Variants in A4GALT observed in about 807,000 individuals in gnomAD.
A4GALT encodes lactosylceramide 4-alpha-galactosyltransferase.
For synonymous variants in A4GALT, 257 were observed against 220.7 expected (o/e 1.16, Z -1.46); for missense variants, 512 against 486.0 (o/e 1.05, Z -0.50).
chr22:42,713,050 G>A (rs1423924976), intron 1 of A4GALT, among the ~76,000 whole-genome samples: 1 of 152,142 alleles, frequency 6.6e-6, no homozygotes, highest in Non-Finnish European at 1.5e-5. Context: ...TCTACACCCT[G>A]CTCTGTAGCC....
chr22:42,706,354 CAAAAAAAAAA>C (rs1164664187), intron 1 of A4GALT, among the ~76,000 whole-genome samples: 1 of 83,816 alleles, frequency 1.2e-5, no homozygotes, highest in East Asian at 3.9e-4. Context: ...GACTCCATCC[CAAAAAAAAAA>C]AAAAAAAAAA....
At chr22:42,700,133 G>T (rs1931201631) in intron 1 of A4GALT, among the ~76,000 whole-genome samples, 1 of 152,194 alleles carries the variant, frequency 6.6e-6, no homozygotes, top group Non-Finnish European at 1.5e-5. Flanking sequence ...GGGCTCAATG[G>T]TGGGACCAGA....
chr22:42,715,404 A>G (rs986502953), intron 1 of A4GALT, among the ~76,000 whole-genome samples: 1 of 152,130 alleles, frequency 6.6e-6, no homozygotes, highest in Non-Finnish European at 1.5e-5. Flanking sequence ...TGGTTCCTAG[A>G]AGTGAGCCCT....
At chr22:42,704,092 T>A (rs540371204) in intron 1 of A4GALT, among the ~76,000 whole-genome samples, 1 of 152,240 alleles carries the variant, frequency 6.6e-6, no homozygotes, top group Non-Finnish European at 1.5e-5. Context: ...CTGTTCCCCA[T>A]CCCTAGCCCC....
intron 1 of A4GALT, among the ~76,000 whole-genome samples, chr22:42,709,525 C>T (rs569106942): frequency 2.4e-4 from 37 of 152,172 alleles, no homozygotes; most frequent in African/African-American, 8.2e-4. Flanking sequence ...TACGGTGGCT[C>T]GTGCCTGTAA....
chr22:42,708,504 T>C (rs1921359474), intron 1 of A4GALT, among the ~76,000 whole-genome samples: 2 of 145,992 alleles, frequency 1.4e-5, no homozygotes, highest in African/African-American at 5.0e-5. Context: ...CACTTCAGCC[T>C]GTATGACACG....
intron 2 of A4GALT, chr22:42,695,223 C>T (rs1930841284): frequency 2.0e-5 from 3 of 152,258 alleles, no homozygotes; most frequent in South Asian, 2.1e-4. Context: ...AGTCACACCC[C>T]CTTTGACCCT....
At chr22:42,706,970 C>G (rs145871748) in intron 1 of A4GALT, among the ~76,000 whole-genome samples, 32 of 152,180 alleles carry the variant, frequency 2.1e-4, no homozygotes, top group African/African-American at 7.5e-4. Flanking sequence ...TCAAATAATA[C>G]TGTAGCAATT....
At chr22:42,710,471 A>G (rs575541662) in intron 1 of A4GALT, among the ~76,000 whole-genome samples, 7 of 152,140 alleles carry the variant, frequency 4.6e-5, no homozygotes, top group African/African-American at 1.4e-4. Flanking sequence ...TGAGGCAGCC[A>G]GATTGCTTGA....
At position 42,692,457 on chromosome 22, in the gene A4GALT, G is replaced by T. The variant is rs3747193; in HGVS notation, c.*433C>A. ...CCTCCGCCCCGGACCCTTGGGGCTG[G>T]GTCTCCCCCAGCCCTGCCACTTTCC... On this transcript the variant is annotated 3_prime_UTR_variant, in exon 3 of 3. Coordinates refer to ENST00000642412, the MANE Select transcript of A4GALT (RefSeq NM_017436.7). The surrounding 1 kb of genome is among the most constrained non-coding windows in gnomAD (Gnocchi z 4.6). 46,016 of 349,712 alleles carry T rather than the reference G, an allele frequency of 0.13. 4,897 individuals carry two copies. The highest frequency in any genetic ancestry group is 0.57 in the East Asian group (7,401 of 13,000). The allele number at this position is 349,712 out of a possible 1,614,324, so 21.7% of individuals were successfully genotyped here. A position where few individuals can be genotyped will look rare whatever the true frequency, so the allele number is the denominator to read the frequency against.
At chr22:42,712,937 A>G (rs1304855671) in intron 1 of A4GALT, among the ~76,000 whole-genome samples, 1 of 151,976 alleles carries the variant, frequency 6.6e-6, no homozygotes, top group East Asian at 1.9e-4. Context: ...AGCAAAAGAG[A>G]GTGCTCATTC....
rs569447928 is a variant in A4GALT, at chr22:42,718,227, G to A, written c.-188+2570C>T. The stretch of plus-strand genomic sequence containing the variant: ...ATGGAAAAATATTTTATATAGACAA[G>A]ATATGCAAATACAGAAAAACGTGTT... On this transcript the variant is annotated intron_variant, in intron 1 of 2. Transcript: ENST00000642412. 3 of 152,334 alleles carry A rather than the reference G, an allele frequency of 2.0e-5. No individual in the cohort carries two copies. The East Asian group carries it at 5.8e-4, about 29-fold the overall frequency. The allele number at this position is 152,334 out of a possible 1,614,324, so 9.4% of individuals were successfully genotyped here.
At chr22:42,717,789 C>T (rs1922324271) in intron 1 of A4GALT, among the ~76,000 whole-genome samples, 1 of 152,182 alleles carries the variant, frequency 6.6e-6, no homozygotes, top group Non-Finnish European at 1.5e-5. Flanking sequence ...AACACACCCA[C>T]AAATAAGAGC....
intron 1 of A4GALT, among the ~76,000 whole-genome samples, chr22:42,700,472 G>A (rs942714608): frequency 5.3e-5 from 8 of 152,232 alleles, no homozygotes; most frequent in African/African-American, 1.9e-4. Context: ...AGGCCCAGCA[G>A]TGGCCAAGGT....
chr22:42,715,726 T>TA (rs1000512348), intron 1 of A4GALT, among the ~76,000 whole-genome samples: 54 of 147,510 alleles, frequency 3.7e-4, no homozygotes, highest in East Asian at 2.2e-3. Context: ...AAATTATATT[T>TA]AAAAAAAAAG....
intron 1 of A4GALT, among the ~76,000 whole-genome samples, chr22:42,713,442 G>A (rs1445470836): frequency 1.3e-5 from 2 of 152,242 alleles, no homozygotes; most frequent in African/African-American, 2.4e-5. Context: ...CAGGGAATAT[G>A]TACAACAGGG....
At chr22:42,715,713 C>T (rs1473674616) in intron 1 of A4GALT, among the ~76,000 whole-genome samples, 1 of 147,714 alleles carries the variant, frequency 6.8e-6, no homozygotes, top group East Asian at 2.2e-4. Flanking sequence ...GAACCTATCT[C>T]AAAAATTATA....
chr22:42,715,409 A>G (rs1357624805), intron 1 of A4GALT, among the ~76,000 whole-genome samples: 3 of 152,136 alleles, frequency 2.0e-5, no homozygotes, highest in Non-Finnish European at 4.4e-5. Flanking sequence ...CCTAGAAGTG[A>G]GCCCTCTGGG....
At chr22:42,708,365 C>T (rs542802808) in intron 1 of A4GALT, among the ~76,000 whole-genome samples, 120 of 151,784 alleles carry the variant, frequency 7.9e-4, no homozygotes, top group Non-Finnish European at 1.9e-4. Context: ...GCAACAAAAG[C>T]GAAACTCCCT....
Sources: gnomAD v4.1 joint callset for allele counts (sites outside exome capture counted in the v4.1 genomes callset) on GRCh38, gnomAD v4.1.1 for gene constraint, Gnocchi (gnomAD v3.1) non-coding constraint, MANE v1.5 for transcripts, NCBI Gene and HGNC (gene_info 2026-07-23, HGNC 2026-07-21) for gene names.